TIAM1: variants seen among roughly 807,000 people sequenced by gnomAD.
TIAM1 encodes TIAM Rac1 associated GEF 1.
Under a neutral mutation model 163.5 loss-of-function variants are expected in TIAM1, and 65 were observed. That is an observed-to-expected ratio of 0.40 (90% CI 0.33 to 0.49). The LOEUF is 0.49. Among genes scored for constraint, TIAM1 ranks in the 20% least tolerant of loss-of-function variants. The pLI is 0.77. For synonymous variants in TIAM1, 833 were observed against 810.1 expected (o/e 1.03, Z -0.48); for missense variants, 1,789 against 2,044.7 (o/e 0.87, Z 2.41).
chr21:31,551,631 T>G (rs535415858), intron 1 of TIAM1, among the ~76,000 whole-genome samples: 2 of 151,372 alleles, frequency 1.3e-5, no homozygotes, highest in Admixed American at 1.3e-4. Flanking sequence ...TAGTCCCAGC[T>G]ACTCCAAAGG....
chr21:31,556,384 C>T (rs776768563), intron 1 of TIAM1, among the ~76,000 whole-genome samples: 1 of 152,168 alleles, frequency 6.6e-6, no homozygotes, highest in Admixed American at 6.6e-5. Flanking sequence ...ATCCTGAGGG[C>T]TTCTCCAACC....
rs118053165 is a variant in TIAM1, at chr21:31,205,441, C to T, written c.2389-2429G>A. Reference sequence around the variant, plus strand: ...TCCAGAAATCAGGCCAAAACAGCAACCTCACCCAAGAAGTTCTGGTTCCTG... The same window carrying T: ...TCCAGAAATCAGGCCAAAACAGCAATCTCACCCAAGAAGTTCTGGTTCCTG... On this transcript the variant is annotated intron_variant, in intron 11 of 27. Transcript: ENST00000541036. Among the ~76,000 whole-genome samples the T allele has an allele frequency of 3.2e-4, 49 of 152,316 alleles. No individual in the cohort carries two copies. In the East Asian group the frequency reaches 7.9e-3, roughly 25 times the overall value.
intron 2 of TIAM1, among the ~76,000 whole-genome samples, chr21:31,287,651 G>A (rs984594641): frequency 6.6e-6 from 1 of 152,016 alleles, no homozygotes; most frequent in South Asian, 2.1e-4. Context: ...AAAGAGAAGG[G>A]TATAAGCAAA....
intron 2 of TIAM1, among the ~76,000 whole-genome samples, chr21:31,434,851 C>T (rs557828357): frequency 4.6e-5 from 7 of 152,300 alleles, no homozygotes; most frequent in Admixed American, 1.3e-4. Context: ...TAATGTCCCA[C>T]GGAGACTTTT....
intron 2 of TIAM1, among the ~76,000 whole-genome samples, chr21:31,314,893 G>C (rs2075052893): frequency 6.6e-6 from 1 of 152,142 alleles, no homozygotes; most frequent in South Asian, 2.1e-4. Context: ...CTGGAATTGA[G>C]TGTAAAAATT....
chr21:31,499,529 A>G (rs928167825), intron 1 of TIAM1, among the ~76,000 whole-genome samples: 2 of 151,656 alleles, frequency 1.3e-5, no homozygotes, highest in Non-Finnish European at 2.9e-5. Context: ...CCAGAAAGCA[A>G]GACCCTGTCT....
intron 2 of TIAM1, among the ~76,000 whole-genome samples, chr21:31,364,042 C>CT (rs1265375723): frequency 6.6e-6 from 1 of 152,206 alleles, no homozygotes; most frequent in Non-Finnish European, 1.5e-5. Flanking sequence ...CACAGGCCTG[C>CT]TGGTGTCACT....
At chr21:31,189,285 C>A (rs1439602496) in intron 13 of TIAM1, among the ~76,000 whole-genome samples, 3 of 151,960 alleles carry the variant, frequency 2.0e-5, no homozygotes, top group Non-Finnish European at 4.4e-5. Flanking sequence ...AAACTCCTGA[C>A]TTCAAGTGAT....
chr21:31,202,857 T>C (rs756934105), intron 12 of TIAM1, 51 bp downstream of exon 12: 44 of 1,510,486 alleles, frequency 2.9e-5, no homozygotes, highest in Non-Finnish European at 3.7e-5. Context: ...ACACTCATAA[T>C]TTGAAGATAA....
chr21:31,141,300 C>T lies in TIAM1; in HGVS notation c.3655+25G>A, dbSNP rs2082834334. 6.2e-7 allele frequency: 1 copy of T among 1,613,482 alleles called. No homozygotes were observed. The highest frequency in any genetic ancestry group is 8.5e-7 in the Non-Finnish European group (1 of 1,179,626). On this transcript the variant is annotated intron_variant, in intron 21 of 27. Coordinates refer to ENST00000541036, the MANE Select transcript of TIAM1 (RefSeq NM_001353694.2). The surrounding 1 kb of genome is among the most constrained non-coding windows in gnomAD (Gnocchi z 4.7). ...AGACCCTCATGGAGACTCAGGCCTG[C>T]CGGGGGTCCCAGGCCGAGGCCTACC...
chr21:31,231,141 G>A (rs76512494), intron 6 of TIAM1, among the ~76,000 whole-genome samples: 2,018 of 151,364 alleles, frequency 0.013, 27 homozygotes, highest in Non-Finnish European at 0.019. Context: ...CAGAAGCACT[G>A]TGTCAAGATA....
intron 2 of TIAM1, among the ~76,000 whole-genome samples, chr21:31,410,668 G>A (rs989055558): frequency 2.2e-4 from 33 of 151,848 alleles, no homozygotes; most frequent in African/African-American, 7.0e-4. Flanking sequence ...ATATGTATAT[G>A]TACGAGACAG....
intron 1 of TIAM1, among the ~76,000 whole-genome samples, chr21:31,553,544 C>T (rs944986175): frequency 1.3e-5 from 2 of 152,156 alleles, no homozygotes; most frequent in African/African-American, 4.8e-5. Context: ...ATGAGACCCT[C>T]CTGGACTTTC....
At chr21:31,246,625 C>T (rs1243360163) in intron 5 of TIAM1, among the ~76,000 whole-genome samples, 3 of 152,160 alleles carry the variant, frequency 2.0e-5, no homozygotes, top group South Asian at 4.1e-4. Context: ...TCAATCTATT[C>T]GGCTACAATG....
chr21:31,410,770 A>G lies in TIAM1; in HGVS notation c.-369+53213T>C, dbSNP rs116727447. 3.0e-3 allele frequency among the ~76,000 whole-genome samples: 453 copies of G among 152,140 alleles called. 3 individuals carry two copies. The highest frequency in any genetic ancestry group is 9.4e-3 in the African/African-American group (389 of 41,480). On this transcript the variant is annotated intron_variant, in intron 2 of 28. Coordinates refer to the TIAM1 transcript ENST00000286827. Reference sequence around the variant, plus strand: ...GGCAGAGGGAGGGGAGAGAAAAGAGAGAGACCAACAGAGACAGAAAGGGAG... The same window carrying G: ...GGCAGAGGGAGGGGAGAGAAAAGAGGGAGACCAACAGAGACAGAAAGGGAG...
At chr21:31,297,612 G>A (rs1206743185) in intron 2 of TIAM1, among the ~76,000 whole-genome samples, 2 of 152,070 alleles carry the variant, frequency 1.3e-5, no homozygotes, top group African/African-American at 2.4e-5. Flanking sequence ...TCGAACTCCC[G>A]ACCTCAGGTG....
At chr21:31,492,581 T>C (rs1482977756) in intron 1 of TIAM1, among the ~76,000 whole-genome samples, 1 of 152,152 alleles carries the variant, frequency 6.6e-6, no homozygotes, top group Non-Finnish European at 1.5e-5. Context: ...TCTCCCACCT[T>C]ACCAGACCAA....
intron 2 of TIAM1, among the ~76,000 whole-genome samples, chr21:31,326,567 G>T (rs1289361339): frequency 6.6e-6 from 1 of 152,154 alleles, no homozygotes; most frequent in East Asian, 1.9e-4. Flanking sequence ...AAGAAAGAAG[G>T]CTTCTGCAAT....
rs746396507 is a variant in TIAM1 at position 31,217,640 on chromosome 21, G to C, written c.2055C>G (p.Ser685=). The C allele has an allele frequency of 3.1e-6, 5 of 1,613,892 alleles. No homozygotes were observed. The highest frequency in any genetic ancestry group is 4.2e-6 in the Non-Finnish European group (5 of 1,180,004). The change falls in exon 9 of 28, where the codon TCC becomes TCG. Residue 685 remains serine, a synonymous_variant. Coordinates refer to ENST00000541036, the MANE Select transcript of TIAM1 (RefSeq NM_001353694.2). ...AAAACCTGCTCCTTCGCTTGCTCGC[G>C]GATCTGGACATGGCCTGAGTACGTC... ...VRRRTQAMSR[S]ASKRRSRFSS...
Sources: allele counts gnomAD v4.1 joint callset (sites outside exome capture counted in the v4.1 genomes callset), GRCh38; gene constraint gnomAD v4.1.1; non-coding constraint Gnocchi (gnomAD v3.1); transcripts MANE v1.5; gene names NCBI Gene and HGNC (gene_info 2026-07-23, HGNC 2026-07-21).